HACD2: variants seen among roughly 807,000 people sequenced by gnomAD.
HACD2 encodes 3-hydroxyacyl-CoA dehydratase 2.
HACD2 carries 15 observed loss-of-function variants against 31.0 expected under a neutral mutation model. The observed-to-expected ratio is 0.48, with a 90% CI of 0.32 to 0.75. HACD2 has a LOEUF of 0.75. Ranked by LOEUF, HACD2 falls within the 30% of genes least tolerant of loss-of-function variation. The pLI is 0.03. For missense variants in HACD2, 283 were observed against 313.0 expected (o/e 0.90, Z 0.72); for synonymous variants, 115 against 122.2 (o/e 0.94, Z 0.39).
At chr3:123,513,470 C>T (rs547326874) in intron 4 of HACD2, among the ~76,000 whole-genome samples, 24 of 152,248 alleles carry the variant, frequency 1.6e-4, no homozygotes, top group Admixed American at 3.9e-4. Flanking sequence ...GTAGTCATGG[C>T]GTGCCTCCTG....
chr3:123,495,076 A>C (rs1576721819), intron 6 of HACD2, 106 bp from the exon 7 acceptor site: 7 of 693,134 alleles, frequency 1.0e-5, no homozygotes, highest in Middle Eastern at 3.9e-4. Flanking sequence ...CTAATTTCTC[A>C]TCCAGCAACC....
At chr3:123,506,469 G>A (rs1036799690) in intron 4 of HACD2, among the ~76,000 whole-genome samples, 1 of 152,174 alleles carries the variant, frequency 6.6e-6, no homozygotes, top group Non-Finnish European at 1.5e-5. Context: ...CTGAAAGGCA[G>A]TAGCACAATC....
At chr3:123,528,632 G>A (rs2056314266) in intron 3 of HACD2, among the ~76,000 whole-genome samples, 158 bp from the exon 4 acceptor site, 1 of 152,110 alleles carries the variant, frequency 6.6e-6, no homozygotes, top group Non-Finnish European at 1.5e-5. Context: ...TTTCAATGTA[G>A]TCCACATTAA....
intron 3 of HACD2, among the ~76,000 whole-genome samples, chr3:123,532,369 G>GAC (rs2056373019): frequency 6.6e-6 from 1 of 152,088 alleles, no homozygotes; most frequent in East Asian, 1.9e-4. Context: ...GCCCTCACCT[G>GAC]ACAGCACAAT....
At chr3:123,556,613 G>A (rs2056675351) in intron 3 of HACD2, among the ~76,000 whole-genome samples, 1 of 152,010 alleles carries the variant, frequency 6.6e-6, no homozygotes, top group South Asian at 2.1e-4. Flanking sequence ...TGGTTAAGTT[G>A]TACATTATTA....
chr3:123,536,894 G>A (rs1310338261), intron 3 of HACD2, among the ~76,000 whole-genome samples: 1 of 152,178 alleles, frequency 6.6e-6, no homozygotes, highest in Non-Finnish European at 1.5e-5. Flanking sequence ...ATCACCAAAT[G>A]TGAAAGAACT....
intron 2 of HACD2, among the ~76,000 whole-genome samples, chr3:123,579,860 G>A (rs1045589909): frequency 2.0e-5 from 3 of 152,170 alleles, no homozygotes; most frequent in Admixed American, 6.5e-5. Flanking sequence ...ATTAGGATTT[G>A]TTAAAATTTC....
intron 3 of HACD2, among the ~76,000 whole-genome samples, chr3:123,539,299 G>T (rs2056460613): frequency 6.6e-6 from 1 of 152,154 alleles, no homozygotes; most frequent in South Asian, 2.1e-4. Flanking sequence ...GGCCGGCTTG[G>T]TGATTCACGC....
At chr3:123,575,945 T>C (rs770832016) in intron 2 of HACD2, among the ~76,000 whole-genome samples, 1 of 152,240 alleles carries the variant, frequency 6.6e-6, no homozygotes, top group South Asian at 2.1e-4. Flanking sequence ...CCCTGATTAT[T>C]TATAAGCTGT....
chr3:123,500,246 A>G (rs1302759427), intron 6 of HACD2, among the ~76,000 whole-genome samples: 1 of 152,158 alleles, frequency 6.6e-6, no homozygotes, highest in Non-Finnish European at 1.5e-5. Flanking sequence ...TTTCCCCAAT[A>G]CATACTTAAC....
intron 4 of HACD2, among the ~76,000 whole-genome samples, chr3:123,526,370 G>T (rs943418443): frequency 3.3e-5 from 5 of 152,196 alleles, no homozygotes; most frequent in African/African-American, 1.2e-4. Flanking sequence ...TCCTAGGACA[G>T]CAGAAACGCT....
At chr3:123,561,957 G>A (rs561155920) in intron 3 of HACD2, among the ~76,000 whole-genome samples, 5 of 152,080 alleles carry the variant, frequency 3.3e-5, no homozygotes, top group South Asian at 2.1e-4. Context: ...GACTACAGGC[G>A]CCTGCCACCA....
In HACD2 at chr3:123,572,398, C is replaced by G. The variant is rs190396261; in HGVS notation, c.274-4618G>C. Among the ~76,000 whole-genome samples, 43 of 152,228 alleles carry G rather than the reference C, an allele frequency of 2.8e-4. No homozygotes were observed. The East Asian group carries it at 8.1e-3, about 29-fold the overall frequency. On this transcript the variant is annotated intron_variant, in intron 2 of 6. Transcript: ENST00000383657. ...TGGCATGTGCCTGTAGTCCTAGCTA[C>G]TTGGAAGGCTGAGGCAGGAGGATCA...
chr3:123,505,076 C>A (rs780128691), intron 4 of HACD2, among the ~76,000 whole-genome samples: 4 of 152,134 alleles, frequency 2.6e-5, no homozygotes, highest in Non-Finnish European at 5.9e-5. Flanking sequence ...GAGTATTATG[C>A]AGCCTTAAAA....
intron 4 of HACD2, among the ~76,000 whole-genome samples, chr3:123,506,518 A>G (rs781278534): frequency 2.6e-5 from 4 of 152,182 alleles, no homozygotes; most frequent in Non-Finnish European, 4.4e-5. Context: ...CTCCCAGGAC[A>G]GCCTCCTCAG....
At chr3:123,580,321 T>C (rs112222405) in intron 2 of HACD2, among the ~76,000 whole-genome samples, 8 of 151,392 alleles carry the variant, frequency 5.3e-5, no homozygotes, top group South Asian at 2.1e-4. Context: ...ACCAAAAATA[T>C]AAAAATGAGC....
intron 4 of HACD2, among the ~76,000 whole-genome samples, chr3:123,505,630 C>T (rs1176596359): frequency 6.6e-6 from 1 of 152,146 alleles, no homozygotes; most frequent in African/African-American, 2.4e-5. Flanking sequence ...TTCAAACAAA[C>T]AACACTCCAG....
intron 3 of HACD2, among the ~76,000 whole-genome samples, chr3:123,558,720 C>T (rs1204138799): frequency 6.6e-6 from 1 of 152,214 alleles, no homozygotes; most frequent in Non-Finnish European, 1.5e-5. Flanking sequence ...TCCCTTTTAA[C>T]ACATTGTTCA....
intron 3 of HACD2, among the ~76,000 whole-genome samples, chr3:123,545,500 A>C (rs1264421708): frequency 6.9e-6 from 1 of 145,048 alleles, no homozygotes; most frequent in African/African-American, 2.5e-5. Flanking sequence ...TAAATAAATA[A>C]ATAAATAAAT....
Sources: gnomAD v4.1 joint callset for allele counts (sites outside exome capture counted in the v4.1 genomes callset) on GRCh38, gnomAD v4.1.1 for gene constraint, MANE v1.5 for transcripts, NCBI Gene and HGNC (gene_info 2026-07-23, HGNC 2026-07-21) for gene names.